NUMBL: variants seen among roughly 807,000 people sequenced by gnomAD.
The protein encoded by NUMBL is numb-like protein.
A neutral mutation model predicts 48.9 loss-of-function variants in NUMBL; 20 were observed. That is an observed-to-expected ratio of 0.41 (90% CI 0.29 to 0.59). The LOEUF is 0.59. NUMBL is among the 20% of genes least tolerant of loss of function. NUMBL has a pLI of 0.31. For missense variants in NUMBL, 660 were observed against 846.2 expected (o/e 0.78, Z 2.73); for synonymous variants, 340 against 348.7 (o/e 0.98, Z 0.28).
intron 8 of NUMBL, among the ~76,000 whole-genome samples, chr19:40,672,661 C>T (rs1275858435): frequency 1.3e-5 from 2 of 152,254 alleles, no homozygotes; most frequent in Non-Finnish European, 2.9e-5. Context: ...ATGACACACA[C>T]TGCATGGAGA....
At position 40,667,307 on chromosome 19, in the gene NUMBL, C is replaced by T; in HGVS notation, c.*161G>A. ...CCATCCTGTTGCAACCTGGGCGTCACAATGTTGGTTCTGTAGTGGTTGTCG... is the reference window on the plus strand; with the variant it reads ...CCATCCTGTTGCAACCTGGGCGTCATAATGTTGGTTCTGTAGTGGTTGTCG... On this transcript the variant is annotated 3_prime_UTR_variant, in exon 10 of 10. Coordinates refer to ENST00000252891, the MANE Select transcript of NUMBL (RefSeq NM_004756.5). This position sits in a 1 kb window ranked among gnomAD's most constrained non-coding sequence, Gnocchi z 6.1. 1 of 1,044,002 alleles carries T rather than the reference C, an allele frequency of 9.6e-7. No individual in the cohort carries two copies. The highest frequency in any genetic ancestry group is 1.7e-5 in the South Asian group (1 of 59,650). The allele number at this position is 1,044,002 out of a possible 1,614,324, so 64.7% of individuals were successfully genotyped here. A position where few individuals can be genotyped will look rare whatever the true frequency, so the allele number is the denominator to read the frequency against.
intron 7 of NUMBL, among the ~76,000 whole-genome samples, chr19:40,676,068 T>C (rs1389147550): frequency 6.6e-6 from 1 of 152,128 alleles, no homozygotes; most frequent in Non-Finnish European, 1.5e-5. Flanking sequence ...TTTCCCTATG[T>C]TGCCCAGGTT....
intron 7 of NUMBL, among the ~76,000 whole-genome samples, chr19:40,675,079 G>C (rs1244697768): frequency 7.3e-6 from 1 of 137,918 alleles, no homozygotes; most frequent in African/African-American, 2.7e-5. Context: ...GGAGGCAGAG[G>C]TTGCAGTGAG....
intron 7 of NUMBL, among the ~76,000 whole-genome samples, chr19:40,675,258 T>C (rs1363881838): frequency 6.7e-6 from 1 of 150,076 alleles, no homozygotes; most frequent in African/African-American, 2.5e-5. Context: ...GAGGCAGAGG[T>C]TGCAGTGAGC....
rs113228202 is a variant in NUMBL, at chr19:40,683,080, G to A, written c.250-112C>T. The stretch of plus-strand genomic sequence containing the variant: ...AGACAATATTTTAAGCACATGATGT[G>A]TATGCAATCATTTATTCTGCATCTC... On this transcript the variant is annotated intron_variant, in intron 3 of 9. Coordinates refer to ENST00000252891, the MANE Select transcript of NUMBL (RefSeq NM_004756.5). 7,323 of 929,544 alleles carry A rather than the reference G, an allele frequency of 7.9e-3. 55 individuals carry two copies. The highest frequency in any genetic ancestry group is 9.5e-3 in the Non-Finnish European group (5,464 of 573,490). The allele number at this position is 929,544 out of a possible 1,614,324, so 57.6% of individuals were successfully genotyped here. A position where few individuals can be genotyped will look rare whatever the true frequency, so the allele number is the denominator to read the frequency against.
In NUMBL at chr19:40,674,234, G is replaced by A. The variant is rs997406926; in HGVS notation, c.731-585C>T. ...TCTCCATATCATGTTGTCTTTCTCTGTCACTGTCTGTTCCCCTCTGTCTCC... is the reference window on the plus strand; with the variant it reads ...TCTCCATATCATGTTGTCTTTCTCTATCACTGTCTGTTCCCCTCTGTCTCC... On this transcript the variant is annotated intron_variant, in intron 7 of 9. Transcript: ENST00000252891. 2.6e-5 allele frequency among the ~76,000 whole-genome samples: 4 copies of A among 152,104 alleles called. No individual in the cohort carries two copies. The East Asian group carries it at 7.7e-4, about 29-fold the overall frequency.
chr19:40,672,260 G>A (rs898132831), intron 8 of NUMBL, among the ~76,000 whole-genome samples: 2 of 151,976 alleles, frequency 1.3e-5, no homozygotes, highest in African/African-American at 4.8e-5. Flanking sequence ...CAAACACAAT[G>A]CTTTTTTCCC....
chr19:40,677,440 CG>C lies in NUMBL; in HGVS notation c.541-20del. On this transcript the variant is annotated intron_variant, in intron 6 of 9. Coordinates refer to ENST00000252891, the MANE Select transcript of NUMBL (RefSeq NM_004756.5). ...TCTCGCCCTATGGGGAGAGGATGGG[CG>C]GGGGGGTTAGAGGCGCTGGGCAGTG... 6 of 1,600,084 alleles carry C rather than the reference CG, an allele frequency of 3.7e-6. No individual in the cohort carries two copies. Among genetic ancestry groups the C allele is most frequent in the East Asian group, 2.2e-5 (1 of 44,788 alleles).
At chr19:40,683,829 T>G (rs973421276) in intron 3 of NUMBL, among the ~76,000 whole-genome samples, 1 of 152,150 alleles carries the variant, frequency 6.6e-6, no homozygotes, top group Non-Finnish European at 1.5e-5. Context: ...TAGGCTGGAG[T>G]GCAATGGCAC....
intron 7 of NUMBL, among the ~76,000 whole-genome samples, chr19:40,675,747 GCACA>G (rs148549602): frequency 2.1e-5 from 3 of 144,732 alleles, no homozygotes; most frequent in East Asian, 2.0e-4. Context: ...ACACACGCGT[GCACA>G]CACACACACA....
rs1266054066 is a variant in NUMBL at position 40,684,587 on chromosome 19, G to A, written c.110-31C>T. ...GACACAGGACAGTGATGTGGGTCAA[G>A]GGTGGGGGTCAGAAGGTATGGAGCT... On this transcript the variant is annotated intron_variant, in intron 2 of 9. Coordinates refer to ENST00000252891, the MANE Select transcript of NUMBL (RefSeq NM_004756.5). The A allele has an allele frequency of 4.4e-6, 7 of 1,579,522 alleles. No individual in the cohort carries two copies. In the South Asian group the frequency reaches 8.0e-5, roughly 18 times the overall value.
intron 3 of NUMBL, among the ~76,000 whole-genome samples, chr19:40,683,464 C>T (rs1051146188): frequency 4.6e-5 from 7 of 152,216 alleles, no homozygotes; most frequent in African/African-American, 1.7e-4. Context: ...ACACCCTTTA[C>T]TGGCTGCCTT....
intron 6 of NUMBL, among the ~76,000 whole-genome samples, chr19:40,678,831 G>T (rs915413393): frequency 3.9e-5 from 6 of 152,202 alleles, no homozygotes; most frequent in African/African-American, 1.4e-4. Flanking sequence ...GACTGCAGTC[G>T]CTCACACCTG....
At chr19:40,685,161 C>T (rs1034586454) in intron 2 of NUMBL, 1 of 155,284 alleles carries the variant, frequency 6.4e-6, no homozygotes, top group African/African-American at 2.4e-5. Flanking sequence ...GGCAAGGCTT[C>T]TGGGGCCTTG....
chr19:40,667,203 G>A lies in NUMBL; in HGVS notation c.*265C>T, dbSNP rs2081813996. The A allele has an allele frequency of 2.1e-6, 1 of 487,538 alleles. No individual in the cohort carries two copies. Among genetic ancestry groups the A allele is most frequent in the South Asian group, 2.2e-5 (1 of 46,344 alleles). The allele number at this position is 487,538 out of a possible 1,614,324, so 30.2% of individuals were successfully genotyped here. ...GATTGTGGCCAACCCCTGTGTCTGG[G>A]GTTGGGGAAGGGGGCATTGCCAGCC... On this transcript the variant is annotated 3_prime_UTR_variant, in exon 10 of 10. Coordinates refer to ENST00000252891, the MANE Select transcript of NUMBL (RefSeq NM_004756.5). This position sits in a 1 kb window ranked among gnomAD's most constrained non-coding sequence, Gnocchi z 6.1.
At chr19:40,680,494 G>T (rs1240386218) in intron 6 of NUMBL, among the ~76,000 whole-genome samples, 2 of 151,306 alleles carry the variant, frequency 1.3e-5, no homozygotes, top group African/African-American at 4.9e-5. Context: ...TGTCTCCCAG[G>T]CTGGAGTGCA....
Position 40,673,435 on chromosome 19 carries a change from C to A in NUMBL, c.945G>T (p.Lys315Asn). Residue 315 changes from lysine to asparagine, a missense_variant, in exon 8 of 10, where the codon AAG (lysine) becomes AAT (asparagine). Lys to Asn is a moderately conservative substitution (Grantham distance 94). Transcript: ENST00000252891. This position sits in a 1 kb window ranked among gnomAD's most constrained non-coding sequence, Gnocchi z 5.9. ...TCAGCTGCCGTTTGAAAGGCGAGTTCTTCTGGCTGAGTGCTGGGAACCCAC... is the reference window on the plus strand; with the variant it reads ...TCAGCTGCCGTTTGAAAGGCGAGTTATTCTGGCTGAGTGCTGGGAACCCAC... Reference protein sequence around the residue: ...SFRGFPALSQKNSPFKRQLSL... With the variant: ...SFRGFPALSQNNSPFKRQLSL... 6.2e-7 allele frequency: 1 copy of A among 1,612,590 alleles called. No individual in the cohort carries two copies. The highest frequency in any genetic ancestry group is 8.5e-7 in the Non-Finnish European group (1 of 1,179,324).
rs866170236 is a variant in NUMBL, at chr19:40,667,881, C to T, written c.1417G>A (p.Ala473Thr). ...AGGAACACGGCCACTTGGGCAGGTG[C>T]AGCGTCAAAGGGCCCCACGGGGGCG... Reference protein sequence around the residue: ...FPAPVGPFDAAPAQVAVFLPP... With the variant: ...FPAPVGPFDATPAQVAVFLPP... Residue 473 changes from alanine (A) to threonine (T), a missense_variant, in exon 10 of 10, where the codon GCA becomes ACA. By Grantham distance (58) the Ala-to-Thr change is moderately conservative. Coordinates refer to ENST00000252891, the MANE Select transcript of NUMBL (RefSeq NM_004756.5). The surrounding 1 kb of genome is among the most constrained non-coding windows in gnomAD (Gnocchi z 6.1). 3 of 1,585,636 alleles carry T rather than the reference C, an allele frequency of 1.9e-6. No homozygotes were observed. In the African/African-American group the frequency reaches 4.0e-5, roughly 21 times the overall value.
At position 40,680,831 on chromosome 19, in the gene NUMBL, G is replaced by A. The variant is rs1041145549; in HGVS notation, c.540+86C>T. 4 of 1,439,154 alleles carry A rather than the reference G, an allele frequency of 2.8e-6. No homozygotes were observed. In the South Asian group the frequency reaches 4.7e-5, roughly 17 times the overall value. 89.1% of individuals were successfully genotyped at this position (1,439,154 alleles called of 1,614,324 possible). On this transcript the variant is annotated intron_variant, in intron 6 of 9. Transcript: ENST00000252891. ...AACTGGGCACACAGAGGTTAGTGAT[G>A]TGCCTGAATGCAGGAAGCTTGTAGG...
Sources: gnomAD v4.1 joint callset for allele counts (sites outside exome capture counted in the v4.1 genomes callset) on GRCh38, gnomAD v4.1.1 for gene constraint, Gnocchi (gnomAD v3.1) non-coding constraint, MANE v1.5 for transcripts, NCBI Gene and HGNC (gene_info 2026-07-23, HGNC 2026-07-21) for gene names.